ZBTB5: variants seen among roughly 807,000 people sequenced by gnomAD.
The protein encoded by ZBTB5 is zinc finger and BTB domain-containing protein 5.
ZBTB5 carries 15 observed loss-of-function variants against 37.9 expected under a neutral mutation model. The ratio of observed to expected loss-of-function variants is 0.40; its 90% CI spans 0.26 to 0.61. ZBTB5 has a LOEUF of 0.61. ZBTB5 is among the 20% of genes least tolerant of loss of function. The pLI, the probability that ZBTB5 is intolerant of heterozygous loss-of-function variation, is 0.47. For missense variants in ZBTB5, 708 were observed against 856.8 expected, an observed-to-expected ratio of 0.83 and a Z score of 2.17; for synonymous variants, 315 against 312.4, an observed-to-expected ratio of 1.01 and a Z score of -0.09.
rs937066611 is a variant in ZBTB5, at chr9:37,440,205, AT to A, written c.*312del. The A allele has an allele frequency of 3.0e-4, 100 of 330,450 alleles. No individual in the cohort carries two copies. The highest frequency in any genetic ancestry group is 9.3e-4 in the Middle Eastern group (1 of 1,080). 20.5% of individuals were successfully genotyped at this position (330,450 alleles called of 1,614,324 possible). A position where few individuals can be genotyped will look rare whatever the true frequency, so the allele number is the denominator to read the frequency against. On this transcript the variant is annotated 3_prime_UTR_variant, in exon 2 of 2. Transcript: ENST00000307750. ...ACAGTTTTACAAAAATTGCTAAAAA[AT>A]TTTTTTTGCACTTCAATTTTTAAAT...
chr9:37,446,847 T>A (rs1416758606), intron 1 of ZBTB5, among the ~76,000 whole-genome samples: 2 of 152,220 alleles, frequency 1.3e-5, no homozygotes, highest in Non-Finnish European at 2.9e-5. Flanking sequence ...GAGGGGTAAT[T>A]ATTTTGTAGC....
At chr9:37,444,624 T>C (rs1043647776) in intron 1 of ZBTB5, among the ~76,000 whole-genome samples, 7 of 152,182 alleles carry the variant, frequency 4.6e-5, no homozygotes, top group African/African-American at 9.7e-5. Flanking sequence ...AGGAATAAAA[T>C]TGGCATTCGT....
At position 37,438,403 on chromosome 9, in the gene ZBTB5, CA is replaced by C. The variant is rs1441011234; in HGVS notation, c.*2114del. On this transcript the variant is annotated 3_prime_UTR_variant, in exon 2 of 2. Coordinates refer to ENST00000307750, the MANE Select transcript of ZBTB5 (RefSeq NM_014872.3). ...CAGCATGTACAAGGACACTGGCCCA[CA>C]AGCTTGCTTCTCACACGTAGAAACT... The C allele has an allele frequency of 6.6e-6, 1 of 152,636 alleles. No individual in the cohort carries two copies. Among genetic ancestry groups the C allele is most frequent in the Admixed American group, 6.5e-5 (1 of 15,288 alleles). 9.5% of individuals were successfully genotyped at this position (152,636 alleles called of 1,614,324 possible).
chr9:37,457,621 G>A (rs531106094), intron 1 of ZBTB5, among the ~76,000 whole-genome samples: 2 of 152,364 alleles, frequency 1.3e-5, no homozygotes, highest in Admixed American at 6.5e-5. Context: ...CAGGTATTTA[G>A]TGGAAATAAG....
intron 1 of ZBTB5, among the ~76,000 whole-genome samples, chr9:37,442,880 TTG>T (rs1301793146): frequency 1.3e-5 from 2 of 152,178 alleles, no homozygotes; most frequent in Non-Finnish European, 2.9e-5. Context: ...CCACAGAAGT[TTG>T]TTAGAATTCT....
chr9:37,446,689 C>G (rs1823997858), intron 1 of ZBTB5, among the ~76,000 whole-genome samples: 1 of 152,200 alleles, frequency 6.6e-6, no homozygotes, highest in African/African-American at 2.4e-5. Context: ...CAGGCAGCAG[C>G]ACACACATCC....
Position 37,441,427 on chromosome 9 carries a change from A to G in ZBTB5, c.1125T>C (p.Ser375=). 1.2e-6 allele frequency: 2 copies of G among 1,613,728 alleles called. No homozygotes were observed. Among genetic ancestry groups the G allele is most frequent in the South Asian group, 1.1e-5 (1 of 91,054 alleles). ...AEKIDLSPES[S]DRSFSDPQSS... ...ACTGGGGATCTGAAAAACTCCGATC[A>G]CTGCTTTCAGGGCTGAGGTCTATCT... Residue 375 remains serine (S), a synonymous_variant, in exon 2 of 2, where the codon AGT becomes AGC. Transcript: ENST00000307750.
At position 37,441,467 on chromosome 9, in the gene ZBTB5, A is replaced by G; in HGVS notation, c.1085T>C (p.Val362Ala). 6.2e-7 allele frequency: 1 copy of G among 1,613,354 alleles called. No individual in the cohort carries two copies. The highest frequency in any genetic ancestry group is 1.1e-5 in the South Asian group (1 of 91,004). Residue 362 changes from valine (V) to alanine (A), a missense_variant, in exon 2 of 2, where the codon GTG becomes GCG. Coordinates refer to ENST00000307750, the MANE Select transcript of ZBTB5 (RefSeq NM_014872.3). The stretch of plus-strand genomic sequence containing the variant: ...GAGGTCTATCTTCTCGGCACTGACC[A>G]CAACTCCTTCCACTTCCACAGACTC... ...GSESVEVEGV[V>A]VSAEKIDLSP...
intron 1 of ZBTB5, among the ~76,000 whole-genome samples, chr9:37,445,256 A>G (rs1392694983): frequency 1.3e-5 from 2 of 152,210 alleles, no homozygotes; most frequent in East Asian, 3.8e-4. Flanking sequence ...GAGATGAGGT[A>G]TAATAAAGTT....
At chr9:37,444,979 GGATA>G in intron 1 of ZBTB5, among the ~76,000 whole-genome samples, 1 of 151,998 alleles carries the variant, frequency 6.6e-6, no homozygotes, top group East Asian at 1.9e-4. Context: ...AAAAAGGAAT[GGATA>G]GATAACCTGA....
At chr9:37,456,880 A>G (rs1257403004) in intron 1 of ZBTB5, among the ~76,000 whole-genome samples, 3 of 152,248 alleles carry the variant, frequency 2.0e-5, no homozygotes, top group Non-Finnish European at 4.4e-5. Flanking sequence ...CTCTAAAATC[A>G]GCCAAAAACC....
At chr9:37,460,739 T>C (rs1824278458) in intron 1 of ZBTB5, among the ~76,000 whole-genome samples, 1 of 151,864 alleles carries the variant, frequency 6.6e-6, no homozygotes, top group Non-Finnish European at 1.5e-5. Flanking sequence ...TGGTGGTGCA[T>C]GCCTGTAGTC....
intron 1 of ZBTB5, among the ~76,000 whole-genome samples, chr9:37,458,143 A>C (rs1317455844): frequency 6.6e-6 from 1 of 152,248 alleles, no homozygotes; most frequent in African/African-American, 2.4e-5. Flanking sequence ...TGGATACGTA[A>C]GATTGAACTG....
intron 1 of ZBTB5, among the ~76,000 whole-genome samples, chr9:37,458,686 A>T (rs560071516): frequency 6.3e-4 from 96 of 152,348 alleles, no homozygotes; most frequent in Middle Eastern, 3.4e-3. Context: ...ATCATTGGTG[A>T]TATTAATGAA....
intron 1 of ZBTB5, among the ~76,000 whole-genome samples, chr9:37,458,037 G>T (rs183665203): frequency 6.6e-6 from 1 of 152,278 alleles, no homozygotes. Context: ...CAGCACATCA[G>T]CCAGAGTCAT....
Position 37,441,555 on chromosome 9 carries a change from G to A in ZBTB5, c.997C>T (p.Pro333Ser), listed in dbSNP as rs1454576989. Residue 333 changes from proline (P) to serine (S), a missense_variant, in exon 2 of 2, where the codon CCC (proline) becomes TCC (serine). Pro to Ser is a moderately conservative substitution (Grantham distance 74, BLOSUM62 -1). This residue lies in a region of ZBTB5 where 639 missense variants were observed against 690.5 expected (regional missense o/e 0.93). Transcript: ENST00000307750. ...TCCTGAGGCTCAGGTGAGCTCAGGG[G>A]CTCAGATTTAACCACCACTCTCATG... ...EHMRVVVKSE[P>S]LSSPEPQDEV... 6.2e-6 allele frequency: 10 copies of A among 1,612,620 alleles called. No individual in the cohort carries two copies. Among genetic ancestry groups the A allele is most frequent in the Non-Finnish European group, 8.5e-6 (10 of 1,179,850 alleles).
rs768158327 is a variant in ZBTB5 at position 37,445,095 on chromosome 9, GA to G, written c.-4-2541del. Among the ~76,000 whole-genome samples the G allele has an allele frequency of 2.3e-3, 317 of 138,786 alleles. 2 individuals are homozygous for G. Among genetic ancestry groups the G allele is most frequent in the East Asian group, 7.2e-3 (35 of 4,848 alleles). 91.0% of individuals were successfully genotyped at this position (138,786 alleles called of 152,430 possible). On this transcript the variant is annotated intron_variant, in intron 1 of 1. Transcript: ENST00000307750. ...TAAATGGATCAATGATTAACTCCAG[GA>G]AAAAAAAAAAAGGTTGTTTACTCAC...
At position 37,439,450 on chromosome 9, in the gene ZBTB5, T is replaced by G. The variant is rs1236590723; in HGVS notation, c.*1068A>C. On this transcript the variant is annotated 3_prime_UTR_variant, in exon 2 of 2. Coordinates refer to ENST00000307750, the MANE Select transcript of ZBTB5 (RefSeq NM_014872.3). ...AAATAATAAAATTTAGGGTCTGTACTGTTAAAAGTATAGTATATAACAGTA... is the reference window on the plus strand; with the variant it reads ...AAATAATAAAATTTAGGGTCTGTACGGTTAAAAGTATAGTATATAACAGTA... 6.6e-5 allele frequency: 10 copies of G among 152,250 alleles called. No homozygotes were observed. The highest frequency in any genetic ancestry group is 6.5e-4 in the Admixed American group (10 of 15,286). The allele number at this position is 152,250 out of a possible 1,614,324, so 9.4% of individuals were successfully genotyped here.
intron 1 of ZBTB5, among the ~76,000 whole-genome samples, chr9:37,447,086 TG>T (rs1295664106): frequency 6.6e-6 from 1 of 152,214 alleles, no homozygotes. Flanking sequence ...TACCCAAGAC[TG>T]GGTGATTTAT....
Sources: gnomAD v4.1 joint callset for allele counts (sites outside exome capture counted in the v4.1 genomes callset) on GRCh38, gnomAD v4.1.1 for gene constraint, gnomAD v4.1.1 regional missense constraint, MANE v1.5 for transcripts, NCBI Gene and HGNC (gene_info 2026-07-23, HGNC 2026-07-21) for gene names.